AMZ1: variants seen among roughly 807,000 people sequenced by gnomAD.
The protein encoded by AMZ1 is archaelysin family metallopeptidase 1, also known as archaemetzincin-1.
Under a neutral mutation model 29.9 loss-of-function variants are expected in AMZ1, and 39 were observed. That is an observed-to-expected ratio of 1.30 (90% CI 1.01 to 1.70). The LOEUF (loss-of-function observed/expected upper bound fraction) is 1.70, where lower values mean the gene tolerates loss of function less well. AMZ1 is among the 40% of genes most tolerant of loss of function. The pLI, the probability that AMZ1 is intolerant of heterozygous loss-of-function variation, is 0.00. For synonymous variants in AMZ1, 458 were observed against 304.0 expected, an observed-to-expected ratio of 1.51 and a Z score of -5.27; for missense variants, 1,041 against 680.6, an observed-to-expected ratio of 1.53 and a Z score of -5.89.
chr7:2,749,229 C>T (rs1171884506), intron 4 of AMZ1, among the ~76,000 whole-genome samples: 7 of 152,234 alleles, frequency 4.6e-5, no homozygotes, highest in African/African-American at 1.4e-4. Context: ...TATTGCGGCA[C>T]TATTCACAAT....
At chr7:2,762,397 A>G, upstream of AMZ1, 1 of 456,298 alleles carries the variant, frequency 2.2e-6, no homozygotes, top group Non-Finnish European at 3.9e-6. Flanking sequence ...TTCCTCACTG[A>G]GGAAACCAAA....
intron 4 of AMZ1, among the ~76,000 whole-genome samples, chr7:2,752,305 G>A (rs1444204808): frequency 6.6e-6 from 1 of 152,140 alleles, no homozygotes; most frequent in Non-Finnish European, 1.5e-5. Flanking sequence ...TTGATAAAGG[G>A]CATCTATGAA....
At chr7:2,708,960 T>G (rs893671408) in intron 4 of AMZ1, 115 bp from the exon 5 acceptor site, 2 of 1,351,428 alleles carry the variant, frequency 1.5e-6, no homozygotes, top group Non-Finnish European at 2.0e-6. Context: ...CTCCCAGGAC[T>G]GGTATGTCTT....
intron 5 of AMZ1, 27 bp from the exon 6 acceptor site, chr7:2,709,613 C>T (rs780649796): frequency 1.2e-6 from 2 of 1,600,078 alleles, no homozygotes; most frequent in Admixed American, 1.7e-5. Context: ...GGCAGTGAGG[C>T]AAGGTGCTTG....
intron 1 of AMZ1, among the ~76,000 whole-genome samples, chr7:2,696,016 A>AGG (rs1562360496): frequency 2.3e-5 from 2 of 87,876 alleles, no homozygotes; most frequent in Non-Finnish European, 5.9e-5. Flanking sequence ...TGGGGGGGAA[A>AGG]AAAAAAAAAA....
chr7:2,693,999 A>C (rs1191196900), intron 1 of AMZ1, among the ~76,000 whole-genome samples: 1 of 150,440 alleles, frequency 6.6e-6, no homozygotes, highest in Non-Finnish European at 1.5e-5. Context: ...ATGTTGGAAA[A>C]CCCCCAGCAC....
intron 4 of AMZ1, among the ~76,000 whole-genome samples, chr7:2,757,514 G>A (rs1216101439): frequency 6.6e-6 from 1 of 152,162 alleles, no homozygotes; most frequent in Admixed American, 6.5e-5. Flanking sequence ...GCCAGTACCA[G>A]TGAGCTTGAA....
chr7:2,745,708 A>G (rs1318611070), intron 4 of AMZ1, among the ~76,000 whole-genome samples: 1 of 152,244 alleles, frequency 6.6e-6, no homozygotes, highest in Non-Finnish European at 1.5e-5. Context: ...TGCTCCAATT[A>G]AAAGACACAG....
Position 2,712,475 on chromosome 7 carries a change from C to A in AMZ1, c.1094C>A (p.Ser365Ter). 3 of 1,610,632 alleles carry A rather than the reference C, an allele frequency of 1.9e-6. No homozygotes were observed. Among genetic ancestry groups the A allele is most frequent in the Non-Finnish European group, 2.5e-6 (3 of 1,179,388 alleles). Residue 365 changes from serine to a stop codon, truncating the protein, a stop_gained, in exon 7 of 7, where the codon TCG (serine) becomes TAG (stop). Coordinates refer to ENST00000683327, the MANE Select transcript of AMZ1 (RefSeq NM_001384743.1). LOFTEE classifies it low-confidence loss of function (END_TRUNC). ...ESDSEPGTSV[S>*]EPLTPDAGSH... is the part of the protein sequence containing the mutation. Reference sequence around the variant, plus strand: ...GACTCGGAGCCCGGCACCAGTGTGTCGGAGCCCCTCACCCCTGATGCCGGG... The same window carrying A: ...GACTCGGAGCCCGGCACCAGTGTGTAGGAGCCCCTCACCCCTGATGCCGGG...
At chr7:2,760,872 C>G (rs557374453), upstream of AMZ1, among the ~76,000 whole-genome samples, 2 of 152,300 alleles carry the variant, frequency 1.3e-5, no homozygotes, top group South Asian at 4.1e-4. Flanking sequence ...CAGAAGTTGT[C>G]ACATCCTCAC....
At chr7:2,708,776 C>T (rs541921939) in intron 4 of AMZ1, 60 bp downstream of exon 4, 72 of 1,606,794 alleles carry the variant, frequency 4.5e-5, no homozygotes, top group South Asian at 1.8e-4. Flanking sequence ...CTGTGGCCTC[C>T]GTGGCTGCAG....
chr7:2,754,003 G>T lies in AMZ1; in HGVS notation n.551-10709G>T, dbSNP rs118087770. Among the ~76,000 whole-genome samples, 801 of 152,276 alleles carry T rather than the reference G, an allele frequency of 5.3e-3. 4 individuals are homozygous for T. The highest frequency in any genetic ancestry group is 7.9e-3 in the Non-Finnish European group (540 of 68,014). Reference sequence around the variant, plus strand: ...CACTTGGATATGCTCAGTGACCAGAGAATCTACATCTAAACCCTTAAGTTC... The same window carrying T: ...CACTTGGATATGCTCAGTGACCAGATAATCTACATCTAAACCCTTAAGTTC... On this transcript the variant is annotated intron_variant and non_coding_transcript_variant, in intron 4 of 4. Transcript: ENST00000489665.
chr7:2,724,661 G>A (rs560631970), downstream of AMZ1, among the ~76,000 whole-genome samples: 7 of 152,114 alleles, frequency 4.6e-5, no homozygotes, highest in East Asian at 1.2e-3. Flanking sequence ...ACACACATCC[G>A]AAAGAAAACC....
At chr7:2,734,317 A>C (rs1790050060) in intron 4 of AMZ1, among the ~76,000 whole-genome samples, 2 of 152,194 alleles carry the variant, frequency 1.3e-5, no homozygotes, top group African/African-American at 4.8e-5. Context: ...GCGTATTAAA[A>C]ACCAATTATA....
At chr7:2,708,917 C>A (rs371176666) in intron 4 of AMZ1, among the ~76,000 whole-genome samples, 158 bp from the exon 5 acceptor site, 83 of 152,336 alleles carry the variant, frequency 5.4e-4, no homozygotes, top group African/African-American at 1.7e-3. Context: ...GGCGTCTGCC[C>A]CAGGGCCCAA....
chr7:2,719,140 G>T lies in AMZ1; in HGVS notation c.*6262G>T, dbSNP rs1789304572. On this transcript the variant is annotated 3_prime_UTR_variant, in exon 7 of 7. Transcript: ENST00000683327. Reference sequence around the variant, plus strand: ...TGAGGGCTCGAGGCCTTTACTGGATGGGCAGGATGCGGGCAGCAGCTTTGT... The same window carrying T: ...TGAGGGCTCGAGGCCTTTACTGGATTGGCAGGATGCGGGCAGCAGCTTTGT... 6.6e-6 allele frequency among the ~76,000 whole-genome samples: 1 copy of T among 152,082 alleles called. No homozygotes were observed. The highest frequency in any genetic ancestry group is 1.5e-5 in the Non-Finnish European group (1 of 68,012).
intron 1 of AMZ1, among the ~76,000 whole-genome samples, chr7:2,698,246 C>CA (rs1432980358): frequency 5.3e-5 from 8 of 151,948 alleles, no homozygotes; most frequent in East Asian, 1.9e-4. Context: ...AAAAAACAAG[C>CA]AAAAAAACCA....
rs765881163 is a variant in AMZ1 at position 2,731,379 on chromosome 7, G to A, written n.550+21563G>A. 15 of 1,613,668 alleles carry A rather than the reference G, an allele frequency of 9.3e-6. No homozygotes were observed. Among genetic ancestry groups the A allele is most frequent in the Non-Finnish European group, 1.2e-5 (14 of 1,179,688 alleles). On this transcript the variant is annotated intron_variant and non_coding_transcript_variant, in intron 4 of 4. Transcript: ENST00000489665. The surrounding 1 kb of genome is among the most constrained non-coding windows in gnomAD (Gnocchi z 6.0). ...CCAGCCTGTGCGGGTCGCCCCTGAA[G>A]TCCGGGAAGTGCTTCTTGATGCTCA...
chr7:2,725,699 C>A (rs572363579), intron 4 of AMZ1, among the ~76,000 whole-genome samples: 2 of 152,370 alleles, frequency 1.3e-5, no homozygotes, highest in Admixed American at 6.5e-5. Context: ...GTAGACTCTG[C>A]CTCTCCCTGG....
Sources: gnomAD v4.1 joint callset for allele counts (sites outside exome capture counted in the v4.1 genomes callset) on GRCh38, gnomAD v4.1.1 for gene constraint, Gnocchi (gnomAD v3.1) non-coding constraint, MANE v1.5 for transcripts, NCBI Gene and HGNC (gene_info 2026-07-23, HGNC 2026-07-21) for gene names.